PCDH15: variants seen among roughly 807,000 people sequenced by gnomAD.
The protein encoded by PCDH15 is protocadherin-15.
PCDH15 carries 129 observed loss-of-function variants against 178.5 expected under a neutral mutation model. The observed-to-expected ratio is 0.72, with a 90% CI of 0.63 to 0.84. PCDH15 has a LOEUF of 0.84. Ranked by LOEUF, PCDH15 falls within the 40% of genes least tolerant of loss-of-function variation. PCDH15 has a pLI of 0.00. For synonymous variants in PCDH15, 800 were observed against 732.0 expected (o/e 1.09, Z -1.50); for missense variants, 2,230 against 2,099.9 (o/e 1.06, Z -1.21).
At chr10:55,003,023 A>G (rs994447074) in intron 2 of PCDH15, among the ~76,000 whole-genome samples, 5 of 152,168 alleles carry the variant, frequency 3.3e-5, no homozygotes, top group Non-Finnish European at 7.3e-5. Flanking sequence ...TGTTGTTAAT[A>G]TGTGTTCCAG....
intron 2 of PCDH15, among the ~76,000 whole-genome samples, chr10:55,369,032 A>T (rs963849819): frequency 1.3e-5 from 2 of 150,336 alleles, no homozygotes; most frequent in Non-Finnish European, 3.0e-5. Context: ...AAAAAAAAAA[A>T]ACCCCAGCAA....
chr10:53,820,409 A>T (rs2076216197), intron 32 of PCDH15, among the ~76,000 whole-genome samples, 179 bp from the exon 33 acceptor site: 1 of 152,082 alleles, frequency 6.6e-6, no homozygotes, highest in Non-Finnish European at 1.5e-5. Flanking sequence ...TATTGAAGAA[A>T]TATGAGGGAT....
chr10:55,207,927 C>T (rs1457091794), intron 1 of PCDH15, among the ~76,000 whole-genome samples: 2 of 152,082 alleles, frequency 1.3e-5, no homozygotes, highest in Non-Finnish European at 2.9e-5. Flanking sequence ...CGAGGCTGCA[C>T]CACTGTACTC....
chr10:54,705,452 A>C (rs1036858989), intron 1 of PCDH15, among the ~76,000 whole-genome samples: 2 of 152,182 alleles, frequency 1.3e-5, no homozygotes, highest in African/African-American at 4.8e-5. Context: ...ATCACTTGTT[A>C]GATATGCAAT....
chr10:55,557,530 G>T (rs1039760585), intron 2 of PCDH15, among the ~76,000 whole-genome samples: 1 of 152,078 alleles, frequency 6.6e-6, no homozygotes, highest in Admixed American at 6.6e-5. Flanking sequence ...CAAATAAACT[G>T]CATGAGACGA....
intron 1 of PCDH15, among the ~76,000 whole-genome samples, chr10:55,217,490 T>C (rs534719532): frequency 1.3e-5 from 2 of 151,968 alleles, no homozygotes; most frequent in African/African-American, 2.4e-5. Context: ...AAATGAAAGA[T>C]TCTATTATTC....
intron 2 of PCDH15, among the ~76,000 whole-genome samples, chr10:55,452,756 T>G (rs1002252783): frequency 6.6e-6 from 1 of 152,054 alleles, no homozygotes; most frequent in African/African-American, 2.4e-5. Context: ...TTAATCATAT[T>G]AATAGGCACA....
intron 2 of PCDH15, among the ~76,000 whole-genome samples, chr10:55,022,408 T>C (rs980655930): frequency 1.2e-4 from 18 of 145,484 alleles, no homozygotes; most frequent in Non-Finnish European, 2.1e-4. Flanking sequence ...GCCAAGATCA[T>C]GTCACTGCAT....
chr10:53,945,844 T>C (rs1381338530), intron 23 of PCDH15, among the ~76,000 whole-genome samples: 2,358 of 15,478 alleles, frequency 0.15, 49 homozygotes, highest in East Asian at 0.48. Flanking sequence ...ATTGTATATA[T>C]ATATATATAT....
intron 2 of PCDH15, among the ~76,000 whole-genome samples, chr10:55,111,713 C>T (rs1837510073): frequency 6.6e-6 from 1 of 151,952 alleles, no homozygotes; most frequent in Admixed American, 6.6e-5. Context: ...CGTGGTGGTG[C>T]ATGCCTGTAA....
chr10:54,823,870 T>G (rs1327107586), intron 3 of PCDH15, among the ~76,000 whole-genome samples: 1 of 152,214 alleles, frequency 6.6e-6, no homozygotes, highest in East Asian at 1.9e-4. Flanking sequence ...TTGATTTAGA[T>G]TTTTGCAAAA....
intron 2 of PCDH15, among the ~76,000 whole-genome samples, chr10:55,596,532 C>T (rs1219210231): frequency 6.6e-6 from 1 of 151,994 alleles, no homozygotes; most frequent in Non-Finnish European, 1.5e-5. Flanking sequence ...AAAATAATAT[C>T]TACTCCAGCT....
intron 2 of PCDH15, among the ~76,000 whole-genome samples, chr10:54,952,663 T>G (rs1838374467): frequency 6.6e-6 from 1 of 151,932 alleles, no homozygotes; most frequent in African/African-American, 2.4e-5. Flanking sequence ...ATATATCTGA[T>G]GCACTTTATC....
rs191121924 is a variant in PCDH15, at chr10:54,831,207, T to G, written c.-29+66243A>C. Among the ~76,000 whole-genome samples, 122 of 152,216 alleles carry G rather than the reference T, an allele frequency of 8.0e-4. 1 individual carries two copies. In the East Asian group the frequency reaches 0.023, roughly 29 times the overall value. ...TAAGATAATTTTTTTATTCCTGATC[T>G]AACAAAAAATTAGGTTTAGCATTTT... On this transcript the variant is annotated intron_variant, in intron 3 of 5. Coordinates refer to the PCDH15 transcript ENST00000458638.
intron 25 of PCDH15, among the ~76,000 whole-genome samples, chr10:53,937,618 T>C (rs995899601): frequency 1.3e-5 from 2 of 152,334 alleles, no homozygotes; most frequent in East Asian, 3.9e-4. Context: ...ATTTTTCAAA[T>C]GATTTGGTTG....
chr10:54,376,761 G>C (rs1421702009), intron 4 of PCDH15, among the ~76,000 whole-genome samples: 1 of 151,744 alleles, frequency 6.6e-6, no homozygotes. Flanking sequence ...TGGTATGGAA[G>C]CATATAGGGA....
At chr10:54,628,275 T>C (rs1417475777) in intron 2 of PCDH15, among the ~76,000 whole-genome samples, 1 of 152,198 alleles carries the variant, frequency 6.6e-6, no homozygotes. Context: ...AGGTCCCCTG[T>C]TGGCCTTATA....
intron 5 of PCDH15, among the ~76,000 whole-genome samples, chr10:54,368,549 A>G (rs1203610915): frequency 1.3e-5 from 2 of 152,178 alleles, no homozygotes; most frequent in East Asian, 3.9e-4. Context: ...AGAAAATAAA[A>G]CAAAGCAAAA....
chr10:54,103,008 C>T (rs992195431), intron 15 of PCDH15, among the ~76,000 whole-genome samples: 19 of 152,146 alleles, frequency 1.2e-4, no homozygotes, highest in African/African-American at 4.6e-4. Flanking sequence ...CCCGAGGCCT[C>T]CTTGGAGAAG....
Sources: allele counts gnomAD v4.1 joint callset (sites outside exome capture counted in the v4.1 genomes callset), GRCh38; gene constraint gnomAD v4.1.1; transcripts MANE v1.5; gene names NCBI Gene and HGNC (gene_info 2026-07-23, HGNC 2026-07-21).